Variants in LRP1B observed in about 807,000 individuals in gnomAD.
LRP1B encodes the protein low-density lipoprotein receptor-related protein 1B.
Under a neutral mutation model 556.6 loss-of-function variants are expected in LRP1B, and 217 were observed. That is an observed-to-expected ratio of 0.39 (90% CI 0.35 to 0.44). The LOEUF is 0.44. LRP1B is among the 20% of genes least tolerant of loss of function. The pLI, the probability that LRP1B is intolerant of heterozygous loss-of-function variation, is 1.00. For missense variants in LRP1B, 5,053 were observed against 5,620.8 expected (o/e 0.90, Z 3.23); for synonymous variants, 2,047 against 1,865.8 (o/e 1.10, Z -2.50).
chr2:141,697,974 T>C (rs1407385110), intron 2 of LRP1B, among the ~76,000 whole-genome samples: 1 of 151,938 alleles, frequency 6.6e-6, no homozygotes, highest in African/African-American at 2.4e-5. Context: ...ACATTCTCTG[T>C]TTCTGAGCTG....
At chr2:140,571,793 T>A (rs1681331607) in intron 43 of LRP1B, among the ~76,000 whole-genome samples, 1 of 151,584 alleles carries the variant, frequency 6.6e-6, no homozygotes, top group Admixed American at 6.6e-5. Flanking sequence ...GCTGCTGGCA[T>A]AACAATGGAC....
chr2:141,569,427 A>G (rs935282420), intron 2 of LRP1B, among the ~76,000 whole-genome samples: 8 of 151,148 alleles, frequency 5.3e-5, no homozygotes, highest in Non-Finnish European at 1.2e-4. Context: ...AACAGAAGTT[A>G]TTTCATGAAA....
chr2:140,997,449 T>C lies in LRP1B; in HGVS notation c.2504-3314A>G, dbSNP rs543340305. Among the ~76,000 whole-genome samples the C allele has an allele frequency of 5.9e-5, 9 of 152,046 alleles. No homozygotes were observed. In the South Asian group the frequency reaches 1.9e-3, roughly 31 times the overall value. On this transcript the variant is annotated intron_variant, in intron 15 of 90. Coordinates refer to ENST00000389484, the MANE Select transcript of LRP1B (RefSeq NM_018557.3). ...CAGCTCAGCTTCTGGACTCAAGACA[T>C]ATTCCTGACCTCAGTTTAATAACCT... is the stretch of plus-strand genomic sequence containing the variant.
intron 42 of LRP1B, among the ~76,000 whole-genome samples, chr2:140,599,093 G>T (rs1203524996): frequency 1.3e-5 from 2 of 151,886 alleles, no homozygotes; most frequent in African/African-American, 4.8e-5. Flanking sequence ...TGATAATTTG[G>T]TTAAACTGTT....
rs199730890 is a variant in LRP1B, at chr2:142,120,889, CAAT to C, written c.82+9756_82+9758del. On this transcript the variant is annotated intron_variant, in intron 1 of 90. Transcript: ENST00000389484. ...AAAGAAAAAGCAATAAGAAAGTAAACAATATTGTAGGGCCCACATATGACCATC... is the reference window on the plus strand; with the variant it reads ...AAAGAAAAAGCAATAAGAAAGTAAACATTGTAGGGCCCACATATGACCATC... Among the ~76,000 whole-genome samples the C allele has an allele frequency of 7.5e-3, 1,146 of 152,110 alleles. 20 individuals are homozygous for C. The highest frequency in any genetic ancestry group is 0.026 in the African/African-American group (1,075 of 41,488).
intron 41 of LRP1B, among the ~76,000 whole-genome samples, chr2:140,623,956 G>GTGTGTGTATATATATATATATATA (rs1339496296): frequency 3.8e-5 from 4 of 106,436 alleles, no homozygotes; most frequent in Non-Finnish European, 5.7e-5. Flanking sequence ...TTTTATTTAT[G>GTGTGTGTATATATATATATATATA]TATATATATA....
intron 80 of LRP1B, 98 bp downstream of exon 80, chr2:140,325,664 T>A: frequency 1.3e-6 from 1 of 763,534 alleles, no homozygotes; most frequent in Non-Finnish European, 2.0e-6. Flanking sequence ...TTTAAGAAAA[T>A]CCAGAATGCA....
intron 18 of LRP1B, among the ~76,000 whole-genome samples, chr2:140,963,194 A>T (rs1558766631): frequency 6.6e-6 from 1 of 152,162 alleles, no homozygotes; most frequent in Non-Finnish European, 1.5e-5. Flanking sequence ...TTTCAAAATA[A>T]TAAATTTAAT....
At chr2:142,031,263 C>T (rs1703684097) in intron 1 of LRP1B, among the ~76,000 whole-genome samples, 1 of 148,844 alleles carries the variant, frequency 6.7e-6, no homozygotes, top group Admixed American at 6.7e-5. Context: ...TTTGGATTCT[C>T]ATGTTATTGC....
intron 2 of LRP1B, among the ~76,000 whole-genome samples, chr2:141,674,108 C>T (rs1313079408): frequency 2.0e-5 from 3 of 151,988 alleles, no homozygotes; most frequent in South Asian, 4.1e-4. Flanking sequence ...CCATAGCACA[C>T]AATTACCTAA....
At chr2:141,718,605 C>T (rs1338090427) in intron 2 of LRP1B, among the ~76,000 whole-genome samples, 5 of 152,150 alleles carry the variant, frequency 3.3e-5, no homozygotes, top group Non-Finnish European at 5.9e-5. Flanking sequence ...TCTGTATCAA[C>T]AGTATGAATC....
chr2:142,084,749 CCT>C (rs1364627638), intron 1 of LRP1B, among the ~76,000 whole-genome samples: 3 of 152,090 alleles, frequency 2.0e-5, no homozygotes, highest in Non-Finnish European at 4.4e-5. Flanking sequence ...CAATTTTGCC[CCT>C]CTCTGAACCA....
intron 1 of LRP1B, among the ~76,000 whole-genome samples, chr2:141,928,476 A>T (rs1700397733): frequency 6.6e-6 from 1 of 152,168 alleles, no homozygotes; most frequent in Non-Finnish European, 1.5e-5. Flanking sequence ...TTGGCTGAAT[A>T]CTGTATATTT....
At chr2:141,780,953 T>C (rs1405644041) in intron 2 of LRP1B, among the ~76,000 whole-genome samples, 2 of 152,142 alleles carry the variant, frequency 1.3e-5, no homozygotes, top group African/African-American at 4.8e-5. Context: ...TTTATTATTT[T>C]CGATTGCAAG....
chr2:141,747,684 T>C (rs1347055473), intron 2 of LRP1B, among the ~76,000 whole-genome samples: 6 of 152,184 alleles, frequency 3.9e-5, no homozygotes, highest in African/African-American at 1.4e-4. Flanking sequence ...TTAAAGGTAA[T>C]ATTACAAGAC....
At chr2:141,278,965 T>C (rs1245285939) in intron 3 of LRP1B, among the ~76,000 whole-genome samples, 1 of 152,136 alleles carries the variant, frequency 6.6e-6, no homozygotes, top group Admixed American at 6.5e-5. Context: ...GGTTCCGTTT[T>C]ATTGGAGGGG....
intron 1 of LRP1B, among the ~76,000 whole-genome samples, chr2:141,841,755 C>A (rs984007058): frequency 1.3e-5 from 2 of 152,100 alleles, no homozygotes; most frequent in Non-Finnish European, 1.5e-5. Flanking sequence ...AATGGTTTAA[C>A]AATATGGGTT....
rs1684908169 is a variant in LRP1B, at chr2:141,532,194, TTAAA to T, written c.206-51665_206-51662del. On this transcript the variant is annotated intron_variant, in intron 2 of 90. Coordinates refer to ENST00000389484, the MANE Select transcript of LRP1B (RefSeq NM_018557.3). ...CACATCAATATCATTGGTTTTACAT[TTAAA>T]TAAGAACATCTGTTCAGAAATGAAA... Among the ~76,000 whole-genome samples the T allele has an allele frequency of 2.6e-5, 4 of 152,204 alleles. No homozygotes were observed. In the South Asian group the frequency reaches 8.3e-4, roughly 32 times the overall value.
chr2:141,250,972 T>C (rs796143343), intron 4 of LRP1B, among the ~76,000 whole-genome samples: 6 of 152,150 alleles, frequency 3.9e-5, no homozygotes, highest in African/African-American at 1.4e-4. Context: ...TTGTGTGTTG[T>C]GATATAAAAC....
Sources: allele counts gnomAD v4.1 joint callset (sites outside exome capture counted in the v4.1 genomes callset), GRCh38; gene constraint gnomAD v4.1.1; transcripts MANE v1.5; gene names NCBI Gene and HGNC (gene_info 2026-07-23, HGNC 2026-07-21).